WNT9A: variants seen among roughly 807,000 people sequenced by gnomAD.
WNT9A encodes protein Wnt-9a.
WNT9A carries 8 observed loss-of-function variants against 31.4 expected under a neutral mutation model. The observed-to-expected ratio is 0.26, with a 90% CI of 0.15 to 0.46. WNT9A has a LOEUF of 0.46. Among genes scored for constraint, WNT9A ranks in the 20% least tolerant of loss-of-function variants. The pLI is 0.99. For synonymous variants in WNT9A, 236 were observed against 220.1 expected, an observed-to-expected ratio of 1.07 and a Z score of -0.64; for missense variants, 457 against 522.9, an observed-to-expected ratio of 0.87 and a Z score of 1.23.
chr1:227,924,424 G>C, intron 2 of WNT9A, 24 bp from the exon 3 acceptor site: 1 of 1,599,120 alleles, frequency 6.3e-7, no homozygotes, highest in Non-Finnish European at 8.6e-7. Flanking sequence ...GGGCCGATCA[G>C]TGAGCCCAGG....
At position 227,921,662 on chromosome 1, in the gene WNT9A, G is replaced by A; in HGVS notation, c.954C>T (p.Asn318=). 2 of 1,613,328 alleles carry A rather than the reference G, an allele frequency of 1.2e-6. No individual in the cohort carries two copies. Among genetic ancestry groups the A allele is most frequent in the Non-Finnish European group, 1.7e-6 (2 of 1,179,994 alleles). ...CGCGGCCACAGCAGATGCTCTCGCAGTTCTTCTCACGGTGGCACCTACGGC... is the reference window on the plus strand; with the variant it reads ...CGCGGCCACAGCAGATGCTCTCGCAATTCTTCTCACGGTGGCACCTACGGC... The part of the protein sequence containing the change: ...TAGRRCHREK[N]CESICCGRGH... The change falls in exon 4 of 4, where the codon AAC becomes AAT. Residue 318 remains asparagine (N), a synonymous_variant. Transcript: ENST00000272164.
chr1:227,939,293 G>A (rs530421711), intron 1 of WNT9A, among the ~76,000 whole-genome samples: 1 of 152,346 alleles, frequency 6.6e-6, no homozygotes, highest in East Asian at 1.9e-4. Context: ...GCTGGCCGCG[G>A]TGGTCAGCAC....
rs1666310855 is a variant in WNT9A at position 227,921,444 on chromosome 1, T to C, written c.*74A>G. 3.3e-6 allele frequency: 5 copies of C among 1,532,874 alleles called. No individual in the cohort carries two copies. Among genetic ancestry groups the C allele is most frequent in the South Asian group, 2.6e-5 (2 of 78,300 alleles). The allele number at this position is 1,532,874 out of a possible 1,614,324, so 95.0% of individuals were successfully genotyped here. The stretch of plus-strand genomic sequence containing the variant: ...GCTGGTCGAGCCCAGGAACTCAGCC[T>C]GTGCAGGTGTAGACCCTTCACACCG... On this transcript the variant is annotated 3_prime_UTR_variant, in exon 4 of 4. Coordinates refer to ENST00000272164, the MANE Select transcript of WNT9A (RefSeq NM_003395.4).
intron 1 of WNT9A, among the ~76,000 whole-genome samples, chr1:227,932,595 G>A (rs1666531655): frequency 6.6e-6 from 1 of 152,212 alleles, no homozygotes; most frequent in Non-Finnish European, 1.5e-5. Flanking sequence ...AGATCCATCA[G>A]AGGAATCACT....
chr1:227,933,353 A>T (rs1666542121), intron 1 of WNT9A, among the ~76,000 whole-genome samples: 1 of 152,156 alleles, frequency 6.6e-6, no homozygotes, highest in African/African-American at 2.4e-5. Flanking sequence ...CCTTACTCTG[A>T]ATTAGGCTTT....
At position 227,924,270 on chromosome 1, in the gene WNT9A, C is replaced by T. The variant is rs1354323937; in HGVS notation, c.483G>A (p.Glu161=). 6.2e-7 allele frequency: 1 copy of T among 1,613,896 alleles called. No individual in the cohort carries two copies. The highest frequency in any genetic ancestry group is 1.7e-5 in the Admixed American group (1 of 60,030). The change falls in exon 3 of 4, where the codon GAG becomes GAA. Residue 161 remains glutamate, a synonymous_variant. Transcript: ENST00000272164. The part of the protein sequence containing the change: ...CDEAPDLENR[E]AWQWGGCGDN... ...CTCCGCAGCCCCCCCACTGCCAGGCCTCACGGTTCTCCAGGTCGGGTGCCT... is the reference window on the plus strand; with the variant it reads ...CTCCGCAGCCCCCCCACTGCCAGGCTTCACGGTTCTCCAGGTCGGGTGCCT...
At chr1:227,934,206 G>A (rs888467740) in intron 1 of WNT9A, among the ~76,000 whole-genome samples, 3 of 152,204 alleles carry the variant, frequency 2.0e-5, no homozygotes, top group Non-Finnish European at 4.4e-5. Flanking sequence ...GTATACACCT[G>A]GGAGTGGAGC....
rs1666278515 is a variant in WNT9A, at chr1:227,919,808, A to T, written c.*1710T>A. 1 of 150,302 alleles carries T rather than the reference A, an allele frequency of 6.7e-6. No individual in the cohort carries two copies. Among genetic ancestry groups the T allele is most frequent in the African/African-American group, 2.5e-5 (1 of 40,556 alleles). The allele number at this position is 150,302 out of a possible 1,614,324, so 9.3% of individuals were successfully genotyped here. ...CACGCACTCACAACACTCACAACAT[A>T]CGCACACGTATGCACACTGACCACG... On this transcript the variant is annotated 3_prime_UTR_variant, in exon 4 of 4. Coordinates refer to ENST00000272164, the MANE Select transcript of WNT9A (RefSeq NM_003395.4).
rs543471420 is a variant in WNT9A, at chr1:227,919,461, G to C, written c.*2057C>G. On this transcript the variant is annotated 3_prime_UTR_variant, in exon 4 of 4. Transcript: ENST00000272164. ...GCAGAGACCCACAGCAACATAAATA[G>C]GTTTTCTTTTAAAAACACAGACACC... 1.3e-5 allele frequency: 2 copies of C among 152,218 alleles called. No individual in the cohort carries two copies. The highest frequency in any genetic ancestry group is 2.9e-5 in the Non-Finnish European group (2 of 68,018). The allele number at this position is 152,218 out of a possible 1,614,324, so 9.4% of individuals were successfully genotyped here. A position where few individuals can be genotyped will look rare whatever the true frequency, so the allele number is the denominator to read the frequency against.
chr1:227,937,056 C>T (rs772845098), intron 1 of WNT9A, among the ~76,000 whole-genome samples: 5 of 152,158 alleles, frequency 3.3e-5, no homozygotes, highest in Non-Finnish European at 7.3e-5. Flanking sequence ...TTTCTTCTGA[C>T]CTATCTTCCG....
rs1666270750 is a variant in WNT9A, at chr1:227,919,576, C to CAGG, written c.*1941_*1942insCCT. 1 of 152,164 alleles carries CAGG rather than the reference C, an allele frequency of 6.6e-6. No homozygotes were observed. The highest frequency in any genetic ancestry group is 1.5e-5 in the Non-Finnish European group (1 of 68,128). The allele number at this position is 152,164 out of a possible 1,614,324, so 9.4% of individuals were successfully genotyped here. On this transcript the variant is annotated 3_prime_UTR_variant, in exon 4 of 4. Coordinates refer to ENST00000272164, the MANE Select transcript of WNT9A (RefSeq NM_003395.4). ...CCAGCAACCCGCCCAGAACCCAGCC[C>CAGG]ACAGCCATCAGGACACCCACAAGAC...
At position 227,925,664 on chromosome 1, in the gene WNT9A, G is replaced by T; in HGVS notation, c.96-145C>A. ...AAGAATCCAGGATGAGCCAGGCAGG[G>T]GAGAGGGAGGCGAGAAGGGCCTTGG... On this transcript the variant is annotated intron_variant, in intron 1 of 3. Coordinates refer to ENST00000272164, the MANE Select transcript of WNT9A (RefSeq NM_003395.4). This position sits in a 1 kb window ranked among gnomAD's most constrained non-coding sequence, Gnocchi z 6.0. 1 of 1,320,012 alleles carries T rather than the reference G, an allele frequency of 7.6e-7. No homozygotes were observed. Among genetic ancestry groups the T allele is most frequent in the Non-Finnish European group, 1.0e-6 (1 of 1,000,034 alleles). 81.8% of individuals were successfully genotyped at this position (1,320,012 alleles called of 1,614,324 possible).
rs1156404723 is a variant in WNT9A at position 227,924,571 on chromosome 1, G to T, written c.353-171C>A. Among the ~76,000 whole-genome samples, 9 of 151,900 alleles carry T rather than the reference G, an allele frequency of 5.9e-5. No homozygotes were observed. The South Asian group carries it at 8.3e-4, about 14-fold the overall frequency. On this transcript the variant is annotated intron_variant, in intron 2 of 3. Transcript: ENST00000272164. ...GTGTGCCCTGGCCACCACAGGGTAG[G>T]AAACGCCTGGGTGTCCCAGGCGCAG...
chr1:227,946,265 A>G (rs1245000046), intron 1 of WNT9A, among the ~76,000 whole-genome samples: 1 of 152,254 alleles, frequency 6.6e-6, no homozygotes, highest in Non-Finnish European at 1.5e-5. Flanking sequence ...TAGGTCAGAG[A>G]AGGAGAGGCC....
intron 3 of WNT9A, among the ~76,000 whole-genome samples, chr1:227,922,570 G>T (rs1217563542): frequency 6.6e-6 from 1 of 152,232 alleles, no homozygotes; most frequent in Non-Finnish European, 1.5e-5. Flanking sequence ...CACAGGAGCA[G>T]GGAGGCCCAC....
At chr1:227,947,502 G>A (rs115722277) in intron 1 of WNT9A, among the ~76,000 whole-genome samples, 5,843 of 152,162 alleles carry the variant, frequency 0.038, 166 homozygotes, top group Middle Eastern at 0.085. Context: ...CCTGATCCCA[G>A]TCCCTAAGCG....
chr1:227,932,614 C>G (rs1306266876), intron 1 of WNT9A, among the ~76,000 whole-genome samples: 1 of 152,218 alleles, frequency 6.6e-6, no homozygotes, highest in African/African-American at 2.4e-5. Flanking sequence ...CTGTCTATGG[C>G]AGCTGTAGCC....
intron 1 of WNT9A, among the ~76,000 whole-genome samples, chr1:227,945,208 GGTCTGAGTCT>G (rs1326499656): frequency 6.6e-6 from 1 of 152,204 alleles, no homozygotes; most frequent in East Asian, 1.9e-4. Flanking sequence ...TTGGGGAGAG[GGTCTGAGTCT>G]GTACCCCAAG....
intron 1 of WNT9A, among the ~76,000 whole-genome samples, chr1:227,940,886 C>T (rs1317401262): frequency 2.6e-5 from 4 of 152,206 alleles, no homozygotes; most frequent in African/African-American, 4.8e-5. Flanking sequence ...GGGGCCGGGG[C>T]GGCCCAGTGC....
Sources: allele counts gnomAD v4.1 joint callset (sites outside exome capture counted in the v4.1 genomes callset), GRCh38; gene constraint gnomAD v4.1.1; non-coding constraint Gnocchi (gnomAD v3.1); transcripts MANE v1.5; gene names NCBI Gene and HGNC (gene_info 2026-07-23, HGNC 2026-07-21).